The following GUCY1A2 variants were observed in gnomAD, a reference collection of about 807,000 sequenced individuals.
GUCY1A2 encodes the protein guanylate cyclase 1 soluble subunit alpha 2.
Under a neutral mutation model 63.5 loss-of-function variants are expected in GUCY1A2, and 27 were observed. The observed-to-expected ratio is 0.43, with a 90% CI of 0.31 to 0.59. GUCY1A2 has a LOEUF of 0.59. Among genes scored for constraint, GUCY1A2 ranks in the 20% least tolerant of loss-of-function variants. The pLI is 0.11. For missense variants in GUCY1A2, 768 were observed against 913.3 expected (o/e 0.84, Z 2.05); for synonymous variants, 364 against 343.5 (o/e 1.06, Z -0.66).
intron 4 of GUCY1A2, among the ~76,000 whole-genome samples, chr11:106,925,981 C>A (rs1339014222): frequency 6.6e-6 from 1 of 152,042 alleles, no homozygotes; most frequent in African/African-American, 2.4e-5. Flanking sequence ...TGAAAATTAA[C>A]CCAGGAAGCC....
At chr11:106,692,927 C>T (rs1006327799) in intron 7 of GUCY1A2, among the ~76,000 whole-genome samples, 6 of 152,140 alleles carry the variant, frequency 3.9e-5, no homozygotes, top group South Asian at 4.1e-4. Flanking sequence ...CCTCTAATAG[C>T]GGCAGACTAG....
At chr11:106,830,808 A>C (rs1197981493) in intron 4 of GUCY1A2, among the ~76,000 whole-genome samples, 1 of 152,180 alleles carries the variant, frequency 6.6e-6, no homozygotes, top group Non-Finnish European at 1.5e-5. Flanking sequence ...AGTACAATGA[A>C]GTTTAAATGA....
At position 106,939,583 on chromosome 11, in the gene GUCY1A2, C is replaced by G; in HGVS notation, c.1083G>C (p.Glu361Asp). 1 of 1,613,766 alleles carries G rather than the reference C, an allele frequency of 6.2e-7. No individual in the cohort carries two copies. Among genetic ancestry groups the G allele is most frequent in the Non-Finnish European group, 8.5e-7 (1 of 1,179,674 alleles). Reference sequence around the variant, plus strand: ...TTGGAGATACAATCTCGAAGCAGTCCTCAAACTTGAGCACTTTGTGAGTGT... The same window carrying G: ...TTGGAGATACAATCTCGAAGCAGTCGTCAAACTTGAGCACTTTGTGAGTGT... The part of the protein sequence containing the change: ...RCDTHKVLKF[E>D]DCFEIVSPKV... The change falls in exon 4 of 8, where the codon GAG becomes GAC. Residue 361 changes from glutamate (E) to aspartate (D), a missense_variant. Around this residue, in one of 3 missense-constraint regions of GUCY1A2, gnomAD observed 496 missense variants for 486.9 expected, o/e 1.02. Coordinates refer to ENST00000526355, the MANE Select transcript of GUCY1A2 (RefSeq NM_000855.3).
At chr11:106,693,399 C>G (rs561034443) in intron 7 of GUCY1A2, among the ~76,000 whole-genome samples, 2 of 152,022 alleles carry the variant, frequency 1.3e-5, no homozygotes, top group South Asian at 2.1e-4. Flanking sequence ...TCATCATCAT[C>G]ATCATCATCG....
chr11:106,897,699 C>A (rs1303237676), intron 4 of GUCY1A2, among the ~76,000 whole-genome samples: 2 of 150,726 alleles, frequency 1.3e-5, no homozygotes, highest in African/African-American at 4.9e-5. Context: ...ATATCTTTCA[C>A]AAAAAATGCA....
chr11:106,884,880 T>C (rs1231915826), intron 4 of GUCY1A2, among the ~76,000 whole-genome samples: 1 of 152,140 alleles, frequency 6.6e-6, no homozygotes, highest in Non-Finnish European at 1.5e-5. Context: ...TTGAACAATA[T>C]TGCTTGGGTT....
chr11:106,816,175 A>C (rs1412928471), intron 4 of GUCY1A2, among the ~76,000 whole-genome samples: 250 of 150,770 alleles, frequency 1.7e-3, no homozygotes, highest in Non-Finnish European at 2.8e-3. Context: ...TTTAAAAAAA[A>C]AAAAAAAAAA....
chr11:106,991,253 T>C (rs2510601), intron 1 of GUCY1A2, among the ~76,000 whole-genome samples: 33,874 of 151,958 alleles, frequency 0.22, 4,246 homozygotes, highest in East Asian at 0.5. Flanking sequence ...CCACCTCAGC[T>C]TCTCAATGCG....
At position 106,686,449 on chromosome 11, in the gene GUCY1A2, C is replaced by T. The variant is rs1294153294; in HGVS notation, c.*1100G>A. 1.4e-5 allele frequency: 3 copies of T among 217,932 alleles called. No individual in the cohort carries two copies. Among genetic ancestry groups the T allele is most frequent in the East Asian group, 1.4e-4 (2 of 14,812 alleles). The allele number at this position is 217,932 out of a possible 1,614,324, so 13.5% of individuals were successfully genotyped here. ...TTGCTTTGTGTTGTACAAGAAGAAA[C>T]AACATTCTTGGCAAACTGTCCTGAC... On this transcript the variant is annotated 3_prime_UTR_variant, in exon 8 of 8. Transcript: ENST00000526355.
intron 4 of GUCY1A2, among the ~76,000 whole-genome samples, chr11:106,902,455 TCTC>T (rs1479244379): frequency 2.0e-5 from 3 of 152,218 alleles, no homozygotes; most frequent in South Asian, 2.1e-4. Flanking sequence ...AGTTTTGACT[TCTC>T]CTCTCTAGCT....
At chr11:106,723,107 G>C (rs753871310) in intron 6 of GUCY1A2, among the ~76,000 whole-genome samples, 1 of 152,028 alleles carries the variant, frequency 6.6e-6, no homozygotes, top group Non-Finnish European at 1.5e-5. Flanking sequence ...TTGTCTCCCC[G>C]ATCCTTTATG....
chr11:106,913,986 C>CAAAAAAAAAAAAAAAAAAAA (rs11325847), intron 4 of GUCY1A2, among the ~76,000 whole-genome samples: 3 of 71,234 alleles, frequency 4.2e-5, no homozygotes, highest in Admixed American at 1.6e-4. Flanking sequence ...AATGAAAAAG[C>CAAAAAAAAAAAAAAAAAAAA]AAAAAAAAAA....
chr11:106,974,058 G>A (rs533047985), intron 3 of GUCY1A2, among the ~76,000 whole-genome samples: 1 of 152,148 alleles, frequency 6.6e-6, no homozygotes, highest in African/African-American at 2.4e-5. Context: ...TTCAACCCAA[G>A]TAGTCTGGCT....
chr11:106,691,636 C>A (rs1337778334), intron 7 of GUCY1A2, among the ~76,000 whole-genome samples: 1 of 152,156 alleles, frequency 6.6e-6, no homozygotes, highest in Non-Finnish European at 1.5e-5. Flanking sequence ...TAATTCACTG[C>A]ACATTGGCTG....
chr11:106,971,547 G>T (rs1022334808), intron 3 of GUCY1A2, among the ~76,000 whole-genome samples: 2 of 152,060 alleles, frequency 1.3e-5, no homozygotes, highest in African/African-American at 4.8e-5. Context: ...AGGGAGTCAG[G>T]TTTCTCCTTG....
At chr11:106,845,812 T>C (rs1859262257) in intron 4 of GUCY1A2, among the ~76,000 whole-genome samples, 1 of 151,646 alleles carries the variant, frequency 6.6e-6, no homozygotes. Flanking sequence ...CAATGAAAAG[T>C]TGTTGGAAAA....
chr11:106,777,218 G>GAGGC (rs1001700245), intron 5 of GUCY1A2, among the ~76,000 whole-genome samples: 3 of 152,134 alleles, frequency 2.0e-5, no homozygotes, highest in Admixed American at 2.0e-4. Flanking sequence ...TTGGGAGGTT[G>GAGGC]AGGCAGCGGA....
At chr11:106,824,623 C>T (rs1004955872) in intron 4 of GUCY1A2, among the ~76,000 whole-genome samples, 35 of 152,130 alleles carry the variant, frequency 2.3e-4, no homozygotes, top group Middle Eastern at 3.4e-3. Flanking sequence ...CACAATGTAG[C>T]CCCTTTTATT....
chr11:106,990,611 G>A (rs758228701), intron 1 of GUCY1A2, among the ~76,000 whole-genome samples: 16 of 152,240 alleles, frequency 1.1e-4, no homozygotes, highest in Admixed American at 1.3e-4. Flanking sequence ...GCGCGCACGC[G>A]CAGCGTGAAA....
Sources: allele counts gnomAD v4.1 joint callset (sites outside exome capture counted in the v4.1 genomes callset), GRCh38; gene constraint gnomAD v4.1.1; regional missense constraint gnomAD v4.1.1; transcripts MANE v1.5; gene names NCBI Gene and HGNC (gene_info 2026-07-23, HGNC 2026-07-21).